Variants in IGF2BP2 observed in about 807,000 individuals in gnomAD.
The protein encoded by IGF2BP2 is insulin-like growth factor 2 mRNA-binding protein 2.
IGF2BP2 carries 17 observed loss-of-function variants against 75.8 expected under a neutral mutation model. The ratio of observed to expected loss-of-function variants is 0.22; its 90% CI spans 0.15 to 0.34. IGF2BP2 has a LOEUF of 0.34. IGF2BP2 is among the 10% of genes least tolerant of loss of function. The probability of loss-of-function intolerance (pLI) is 1.00; values close to 1 mark genes in which losing one functional copy is unlikely to be tolerated. For synonymous variants in IGF2BP2, 288 were observed against 295.6 expected (o/e 0.97, Z 0.26); for missense variants, 516 against 772.4 (o/e 0.67, Z 3.93).
chr3:185,707,097 C>A (rs527727203), intron 2 of IGF2BP2, among the ~76,000 whole-genome samples: 1 of 151,610 alleles, frequency 6.6e-6, no homozygotes, highest in Non-Finnish European at 1.5e-5. Context: ...TGGTGGCACA[C>A]GCCTGTAATC....
At chr3:185,715,118 G>C (rs1167099360) in intron 2 of IGF2BP2, among the ~76,000 whole-genome samples, 1 of 152,202 alleles carries the variant, frequency 6.6e-6, no homozygotes, top group Non-Finnish European at 1.5e-5. Flanking sequence ...CAACACCTTA[G>C]CAACGCTCTG....
chr3:185,676,974 A>T (rs1310933443), intron 7 of IGF2BP2, among the ~76,000 whole-genome samples: 1 of 139,824 alleles, frequency 7.2e-6, no homozygotes, highest in African/African-American at 2.6e-5. Context: ...ACATATGGAG[A>T]TACATATATA....
chr3:185,666,001 C>G (rs373891643), intron 10 of IGF2BP2, among the ~76,000 whole-genome samples: 3 of 145,294 alleles, frequency 2.1e-5, no homozygotes, highest in African/African-American at 5.2e-5. Context: ...TAGATAGGTA[C>G]ATAGATAGAT....
chr3:185,666,500 G>C (rs571201418), intron 10 of IGF2BP2, among the ~76,000 whole-genome samples: 51 of 152,230 alleles, frequency 3.4e-4, no homozygotes, highest in Non-Finnish European at 6.3e-4. Flanking sequence ...CGAACGTGGT[G>C]GTGGGCATCT....
intron 2 of IGF2BP2, among the ~76,000 whole-genome samples, chr3:185,755,439 C>T (rs1213293145): frequency 6.6e-6 from 1 of 152,206 alleles, no homozygotes. Context: ...ACATAGAGTC[C>T]CCACCAGGGT....
intron 2 of IGF2BP2, among the ~76,000 whole-genome samples, chr3:185,777,658 T>C (rs1371060227): frequency 6.6e-6 from 1 of 152,192 alleles, no homozygotes; most frequent in Non-Finnish European, 1.5e-5. Context: ...GTGAGTGATG[T>C]CAGTCATAAT....
intron 13 of IGF2BP2, among the ~76,000 whole-genome samples, chr3:185,651,209 C>A (rs1714545771): frequency 6.6e-6 from 1 of 152,140 alleles, no homozygotes; most frequent in Non-Finnish European, 1.5e-5. Flanking sequence ...CCACACCTGG[C>A]CTATATGAGG....
intron 2 of IGF2BP2, among the ~76,000 whole-genome samples, chr3:185,749,954 G>T (rs1050761065): frequency 6.6e-6 from 1 of 152,250 alleles, no homozygotes; most frequent in Middle Eastern, 3.4e-3. Flanking sequence ...TCACCCACGC[G>T]GACTTACTGC....
chr3:185,780,484 G>GT (rs1161608742), intron 2 of IGF2BP2, among the ~76,000 whole-genome samples: 1 of 152,188 alleles, frequency 6.6e-6, no homozygotes, highest in Non-Finnish European at 1.5e-5. Flanking sequence ...CAAACTGCGG[G>GT]TATTTGGTAC....
intron 2 of IGF2BP2, among the ~76,000 whole-genome samples, chr3:185,814,664 T>A (rs1423066289): frequency 6.6e-6 from 1 of 152,218 alleles, no homozygotes; most frequent in African/African-American, 2.4e-5. Context: ...TATAAAATTA[T>A]GTTCTTGTCA....
chr3:185,736,624 G>A (rs1728883099), intron 2 of IGF2BP2, among the ~76,000 whole-genome samples: 1 of 152,236 alleles, frequency 6.6e-6, no homozygotes, highest in Non-Finnish European at 1.5e-5. Context: ...TAAACAATAA[G>A]AGAACATCTC....
chr3:185,725,974 T>TTTTG (rs1727271655), intron 2 of IGF2BP2, among the ~76,000 whole-genome samples: 1 of 152,136 alleles, frequency 6.6e-6, no homozygotes, highest in Non-Finnish European at 1.5e-5. Context: ...AATAAATTAA[T>TTTTG]AAATTAATTA....
At chr3:185,664,773 A>C (rs967432500) in intron 10 of IGF2BP2, among the ~76,000 whole-genome samples, 1 of 152,194 alleles carries the variant, frequency 6.6e-6, no homozygotes, top group African/African-American at 2.4e-5. Context: ...GTGGACAGAC[A>C]CAAAGAGTAG....
intron 2 of IGF2BP2, among the ~76,000 whole-genome samples, chr3:185,789,280 T>C (rs761439376): frequency 6.6e-6 from 1 of 152,186 alleles, no homozygotes; most frequent in South Asian, 2.1e-4. Flanking sequence ...CCTCAGGGTA[T>C]CATCTGTGTG....
In IGF2BP2 at chr3:185,751,961, C is replaced by CA. The variant is rs926782751; in HGVS notation, c.240-53615dup. On this transcript the variant is annotated intron_variant, in intron 2 of 15. Coordinates refer to ENST00000382199, the MANE Select transcript of IGF2BP2 (RefSeq NM_006548.6). ...CTGGGCAACGAGGGAGACTCTGTCT[C>CA]AAAAAATAATAATAATAATAACAAT... Among the ~76,000 whole-genome samples, 8 of 152,026 alleles carry CA rather than the reference C, an allele frequency of 5.3e-5. No homozygotes were observed. The South Asian group carries it at 1.5e-3, about 28-fold the overall frequency.
chr3:185,647,191 G>T lies in IGF2BP2; in HGVS notation c.1594-53C>A. 1.5e-6 allele frequency: 2 copies of T among 1,292,708 alleles called. No homozygotes were observed. Among genetic ancestry groups the T allele is most frequent in the Middle Eastern group, 1.8e-4 (1 of 5,452 alleles). 80.1% of individuals were successfully genotyped at this position (1,292,708 alleles called of 1,614,324 possible). On this transcript the variant is annotated intron_variant, in intron 14 of 15. Coordinates refer to ENST00000382199, the MANE Select transcript of IGF2BP2 (RefSeq NM_006548.6). The surrounding 1 kb of genome is among the most constrained non-coding windows in gnomAD (Gnocchi z 4.9). The stretch of plus-strand genomic sequence containing the variant: ...GGATAGGTTCCCTCCCCGTCAACGT[G>T]GTGGGCTCAGGACGGAGTGAGGGGC...
chr3:185,740,954 T>G (rs371692528), intron 2 of IGF2BP2, among the ~76,000 whole-genome samples: 1 of 152,246 alleles, frequency 6.6e-6, no homozygotes, highest in Non-Finnish European at 1.5e-5. Flanking sequence ...CTCGGCTCAC[T>G]GCAACCTCCG....
chr3:185,763,018 G>GT (rs1413889886), intron 2 of IGF2BP2, among the ~76,000 whole-genome samples: 1 of 151,890 alleles, frequency 6.6e-6, no homozygotes, highest in Non-Finnish European at 1.5e-5. Context: ...CCCAAAACAG[G>GT]GATTCATTAG....
At chr3:185,666,530 T>C (rs1717658713) in intron 10 of IGF2BP2, among the ~76,000 whole-genome samples, 1 of 152,048 alleles carries the variant, frequency 6.6e-6, no homozygotes, top group Non-Finnish European at 1.5e-5. Flanking sequence ...GCTGGGAGGC[T>C]GAGGCAGGAG....
Sources: gnomAD v4.1 joint callset for allele counts (sites outside exome capture counted in the v4.1 genomes callset) on GRCh38, gnomAD v4.1.1 for gene constraint, Gnocchi (gnomAD v3.1) non-coding constraint, MANE v1.5 for transcripts, NCBI Gene and HGNC (gene_info 2026-07-23, HGNC 2026-07-21) for gene names.